Variants in GAD2 observed in about 807,000 individuals in gnomAD.
The protein encoded by GAD2 is 65 kDa glutamic acid decarboxylase.
GAD2 carries 22 observed loss-of-function variants against 80.1 expected under a neutral mutation model. That is an observed-to-expected ratio of 0.27 (90% CI 0.20 to 0.39). GAD2 has a LOEUF of 0.39. GAD2 is among the 10% of genes least tolerant of loss of function. GAD2 has a pLI of 1.00. For missense variants in GAD2, 624 were observed against 738.4 expected (o/e 0.85, Z 1.80); for synonymous variants, 274 against 256.9 (o/e 1.07, Z -0.64).
chr10:26,247,197 C>G (rs1466829169), intron 8 of GAD2, among the ~76,000 whole-genome samples: 3 of 152,168 alleles, frequency 2.0e-5, no homozygotes, highest in Non-Finnish European at 4.4e-5. Flanking sequence ...TTATTCATGC[C>G]TCCCCTTTTT....
intron 12 of GAD2, among the ~76,000 whole-genome samples, chr10:26,281,639 A>C (rs1165831410): frequency 6.6e-6 from 1 of 152,196 alleles, no homozygotes; most frequent in Admixed American, 6.5e-5. Context: ...CTGCATCCTT[A>C]TTAACCAGAA....
rs565892259 is a variant in GAD2 at position 26,303,948 on chromosome 10, T to C, written c.*2987T>C. On this transcript the variant is annotated 3_prime_UTR_variant, in exon 16 of 16. Coordinates refer to ENST00000376261, the MANE Select transcript of GAD2 (RefSeq NM_001134366.2). ...GTGTGGTAGCTGTATTGAACTTTGA[T>C]ATTATGAAAACTACATTTGCATCTG... The C allele has an allele frequency of 2.0e-5, 3 of 151,652 alleles. No individual in the cohort carries two copies. The East Asian group carries it at 5.8e-4, about 29-fold the overall frequency. 9.4% of individuals were successfully genotyped at this position (151,652 alleles called of 1,614,324 possible). A position where few individuals can be genotyped will look rare whatever the true frequency, so the allele number is the denominator to read the frequency against.
intron 3 of GAD2, among the ~76,000 whole-genome samples, chr10:26,218,520 G>T (rs1417371441): frequency 7.8e-6 from 1 of 128,272 alleles, no homozygotes; most frequent in African/African-American, 3.0e-5. Flanking sequence ...CACACATGCA[G>T]ACACACATGC....
chr10:26,270,598 T>C, intron 9 of GAD2, 42 bp from the exon 10 acceptor site: 1 of 1,376,336 alleles, frequency 7.3e-7, no homozygotes, highest in South Asian at 1.2e-5. Flanking sequence ...AAAGAACCCT[T>C]GACTCTGTTT....
At chr10:26,291,317 AG>A (rs1425394064) in intron 13 of GAD2, among the ~76,000 whole-genome samples, 2 of 152,288 alleles carry the variant, frequency 1.3e-5, no homozygotes, top group East Asian at 1.9e-4. Context: ...AGATGCAGAG[AG>A]CTCCTGGTAT....
At chr10:26,218,231 C>G in intron 3 of GAD2, 1 of 409,272 alleles carries the variant, frequency 2.4e-6, no homozygotes, top group Non-Finnish European at 4.3e-6. Context: ...CTTCCCCCAG[C>G]GCGGCCCTTG....
chr10:26,275,715 T>C (rs1156252806), intron 11 of GAD2, among the ~76,000 whole-genome samples: 1 of 152,236 alleles, frequency 6.6e-6, no homozygotes, highest in Non-Finnish European at 1.5e-5. Flanking sequence ...GAAAGAAATG[T>C]GTCTCACTTA....
At chr10:26,293,084 G>A in intron 15 of GAD2, 93 bp downstream of exon 15, 1 of 993,618 alleles carries the variant, frequency 1.0e-6, no homozygotes, top group Non-Finnish European at 1.6e-6. Context: ...TTAGGAGACA[G>A]CCTACCTGGG....
intron 8 of GAD2, among the ~76,000 whole-genome samples, chr10:26,262,819 T>C (rs1026068589): frequency 6.6e-6 from 1 of 152,142 alleles, no homozygotes; most frequent in African/African-American, 2.4e-5. Context: ...CATGTTTTCT[T>C]ACATGATAAC....
At chr10:26,279,228 G>A (rs752400352) in intron 11 of GAD2, among the ~76,000 whole-genome samples, 2 of 152,028 alleles carry the variant, frequency 1.3e-5, no homozygotes, top group Non-Finnish European at 2.9e-5. Context: ...GAGAGAAGCC[G>A]CAGAAGTTAA....
chr10:26,273,768 C>A, intron 11 of GAD2, 68 bp downstream of exon 11: 3 of 1,361,726 alleles, frequency 2.2e-6, no homozygotes, highest in South Asian at 2.4e-5. Context: ...AAATTACAGT[C>A]AATTTCCAGG....
At chr10:26,221,914 C>A (rs538679682) in intron 4 of GAD2, among the ~76,000 whole-genome samples, 21 of 152,292 alleles carry the variant, frequency 1.4e-4, no homozygotes, top group African/African-American at 5.1e-4. Flanking sequence ...GGGCAGGTCT[C>A]ACAATTCCTT....
intron 6 of GAD2, among the ~76,000 whole-genome samples, chr10:26,228,680 G>A (rs111929132): frequency 1.6e-3 from 246 of 152,280 alleles, no homozygotes; most frequent in African/African-American, 5.6e-3. Context: ...TCATAGGAGC[G>A]TGAACCCTAT....
chr10:26,251,456 C>T (rs1844880062), intron 8 of GAD2, among the ~76,000 whole-genome samples: 1 of 152,196 alleles, frequency 6.6e-6, no homozygotes. Context: ...ATGGCGCCTG[C>T]TTCATAGGAT....
intron 3 of GAD2, among the ~76,000 whole-genome samples, chr10:26,218,670 G>A (rs1385072334): frequency 1.3e-5 from 2 of 151,816 alleles, no homozygotes; most frequent in Non-Finnish European, 2.9e-5. Context: ...GAAGGCATTC[G>A]AGACAAACAC....
intron 4 of GAD2, among the ~76,000 whole-genome samples, chr10:26,221,414 G>A (rs1390419182): frequency 6.6e-6 from 1 of 152,210 alleles, no homozygotes; most frequent in Non-Finnish European, 1.5e-5. Context: ...GGAAAACTGA[G>A]CAGAGAATGA....
At chr10:26,294,388 G>A (rs943535030) in intron 15 of GAD2, among the ~76,000 whole-genome samples, 15 of 152,298 alleles carry the variant, frequency 9.8e-5, no homozygotes, top group Admixed American at 4.6e-4. Context: ...ACTCCTCATC[G>A]GGAGGAAACT....
At chr10:26,286,538 C>A in intron 13 of GAD2, 44 bp downstream of exon 13, 1 of 1,545,834 alleles carries the variant, frequency 6.5e-7, no homozygotes, top group Non-Finnish European at 8.7e-7. Context: ...AAAACAGAAC[C>A]TTTATCTGGT....
chr10:26,233,940 T>C (rs1262234427), intron 7 of GAD2, among the ~76,000 whole-genome samples: 1 of 152,008 alleles, frequency 6.6e-6, no homozygotes, highest in Admixed American at 6.6e-5. Context: ...GGCCCAAGAC[T>C]CCTAGAAAAT....
Sources: allele counts gnomAD v4.1 joint callset (sites outside exome capture counted in the v4.1 genomes callset), GRCh38; gene constraint gnomAD v4.1.1; transcripts MANE v1.5; gene names NCBI Gene and HGNC (gene_info 2026-07-23, HGNC 2026-07-21).